C2orf76: variants seen among roughly 807,000 people sequenced by gnomAD.
The protein encoded by C2orf76 is UPF0538 protein C2orf76.
In C2orf76, 23 loss-of-function variants were observed where a neutral mutation model predicts 16.9. The ratio of observed to expected loss-of-function variants is 1.36; its 90% confidence interval spans 0.98 to 1.93. The LOEUF (loss-of-function observed/expected upper bound fraction) is 1.93, where lower values mean the gene tolerates loss of function less well. Ranked by LOEUF, C2orf76 falls within the 30% of genes most tolerant of loss-of-function variation. The pLI, the probability that C2orf76 is intolerant of heterozygous loss-of-function variation, is 0.00. For missense variants in C2orf76, 152 were observed against 152.6 expected (o/e 1.00, Z 0.02); for synonymous variants, 48 against 52.3 (o/e 0.92, Z 0.35).
At chr2:119,350,334 T>C (rs1680358685) in intron 1 of C2orf76, among the ~76,000 whole-genome samples, 1 of 152,150 alleles carries the variant, frequency 6.6e-6, no homozygotes, top group Non-Finnish European at 1.5e-5. Context: ...AGGATACGTG[T>C]ATATTTCAAC....
chr2:119,327,283 A>G (rs1679536389), intron 2 of C2orf76, among the ~76,000 whole-genome samples: 1 of 151,416 alleles, frequency 6.6e-6, no homozygotes, highest in Non-Finnish European at 1.5e-5. Flanking sequence ...GTCTTCAATT[A>G]AAATAATCTT....
At chr2:119,356,440 G>A (rs1453762285) in intron 1 of C2orf76, among the ~76,000 whole-genome samples, 1 of 149,522 alleles carries the variant, frequency 6.7e-6, no homozygotes, top group African/African-American at 2.5e-5. Flanking sequence ...TGAACTGAAT[G>A]AAAGTGGGAC....
At chr2:119,350,886 C>T (rs1010077938) in intron 1 of C2orf76, among the ~76,000 whole-genome samples, 8 of 152,178 alleles carry the variant, frequency 5.3e-5, no homozygotes, top group African/African-American at 1.9e-4. Context: ...AAACTAGGCA[C>T]CACACATAAA....
intron 1 of C2orf76, among the ~76,000 whole-genome samples, chr2:119,353,887 A>T (rs1006446164): frequency 1.1e-4 from 17 of 152,246 alleles, no homozygotes; most frequent in African/African-American, 3.9e-4. Context: ...TTTAGGACAG[A>T]CTGGAGAAAG....
chr2:119,337,760 T>G (rs558658591), intron 2 of C2orf76, among the ~76,000 whole-genome samples: 2 of 152,298 alleles, frequency 1.3e-5, no homozygotes, highest in South Asian at 4.1e-4. Context: ...AAGCAGTGGC[T>G]GTTATTCCCA....
intron 5 of C2orf76, among the ~76,000 whole-genome samples, chr2:119,309,285 G>A (rs534262059): frequency 1.6e-4 from 24 of 151,184 alleles, no homozygotes; most frequent in African/African-American, 5.1e-4. Context: ...ATAAGGTGGA[G>A]CTATTTTTTA....
intron 1 of C2orf76, among the ~76,000 whole-genome samples, chr2:119,358,014 G>C (rs1291355471): frequency 1.3e-5 from 2 of 152,060 alleles, no homozygotes; most frequent in East Asian, 3.8e-4. Context: ...TCAAAAACAA[G>C]TATTTAGGTG....
intron 2 of C2orf76, among the ~76,000 whole-genome samples, chr2:119,331,010 G>A (rs980236826): frequency 2.6e-5 from 4 of 151,866 alleles, no homozygotes; most frequent in African/African-American, 7.3e-5. Context: ...ATATTTCTGG[G>A]TTGGTTTCAA....
At chr2:119,333,121 A>T (rs981122320) in intron 2 of C2orf76, among the ~76,000 whole-genome samples, 1 of 152,224 alleles carries the variant, frequency 6.6e-6, no homozygotes, top group Non-Finnish European at 1.5e-5. Context: ...ACAACAAAGC[A>T]TTGCCTTAAC....
chr2:119,312,116 C>T (rs761564702), intron 4 of C2orf76, among the ~76,000 whole-genome samples: 10 of 152,226 alleles, frequency 6.6e-5, no homozygotes, highest in Non-Finnish European at 1.2e-4. Flanking sequence ...AGGGTGAGCA[C>T]TCTCTCTTAG....
At chr2:119,319,131 C>T (rs1679267064) in intron 3 of C2orf76, among the ~76,000 whole-genome samples, 1 of 152,074 alleles carries the variant, frequency 6.6e-6, no homozygotes, top group Non-Finnish European at 1.5e-5. Context: ...ACCTGCAAAA[C>T]TATAGTCTGA....
At chr2:119,312,599 C>T (rs1200588662) in intron 4 of C2orf76, among the ~76,000 whole-genome samples, 2 of 152,072 alleles carry the variant, frequency 1.3e-5, no homozygotes, top group Admixed American at 1.3e-4. Context: ...AAACCTTGCC[C>T]AAGCTAAAAA....
At chr2:119,351,468 C>A (rs865989676) in intron 1 of C2orf76, among the ~76,000 whole-genome samples, 21 of 152,178 alleles carry the variant, frequency 1.4e-4, no homozygotes, top group Middle Eastern at 3.4e-3. Flanking sequence ...GAAGGCAGAG[C>A]GACTGGGCAC....
intron 2 of C2orf76, among the ~76,000 whole-genome samples, chr2:119,335,644 T>C (rs1362157796): frequency 6.6e-6 from 1 of 152,214 alleles, no homozygotes; most frequent in Non-Finnish European, 1.5e-5. Flanking sequence ...GAATTCCTTC[T>C]GAAAAGTACC....
At chr2:119,349,738 C>G (rs544153179) in intron 1 of C2orf76, among the ~76,000 whole-genome samples, 9 of 152,114 alleles carry the variant, frequency 5.9e-5, no homozygotes, top group Non-Finnish European at 1.2e-4. Context: ...GAGCTGGGCT[C>G]CTCCTCTCCC....
rs531025752 is a variant in C2orf76 at position 119,356,874 on chromosome 2, A to G, written c.-13+9916T>C. On this transcript the variant is annotated intron_variant, in intron 1 of 5. Coordinates refer to ENST00000334816, the MANE Select transcript of C2orf76 (RefSeq NM_001322331.2). ...TAAGGGAATACTATGAACTAATTACATACATACATTTCACAGCACAGACAA... is the reference window on the plus strand; with the variant it reads ...TAAGGGAATACTATGAACTAATTACGTACATACATTTCACAGCACAGACAA... 7.8e-4 allele frequency among the ~76,000 whole-genome samples: 119 copies of G among 152,310 alleles called. 1 individual carries two copies. The highest frequency in any genetic ancestry group is 1.4e-3 in the Non-Finnish European group (93 of 68,018).
chr2:119,308,522 TC>T (rs1415836639), intron 5 of C2orf76, among the ~76,000 whole-genome samples: 2 of 152,124 alleles, frequency 1.3e-5, no homozygotes, highest in Non-Finnish European at 2.9e-5. Flanking sequence ...ACACCCATAA[TC>T]CCAGCTACTC....
chr2:119,312,194 C>T (rs1464138532), intron 4 of C2orf76, among the ~76,000 whole-genome samples: 1 of 152,194 alleles, frequency 6.6e-6, no homozygotes, highest in Non-Finnish European at 1.5e-5. Context: ...AGCGACAGAG[C>T]TGAGCTTCCA....
At chr2:119,299,658 AT>A (rs1299540282), downstream of C2orf76, among the ~76,000 whole-genome samples, 2 of 151,282 alleles carry the variant, frequency 1.3e-5, no homozygotes, top group African/African-American at 2.4e-5. Context: ...TTTATTTTTG[AT>A]TTTTTTTCTG....
Sources: allele counts gnomAD v4.1 joint callset (sites outside exome capture counted in the v4.1 genomes callset), GRCh38; gene constraint gnomAD v4.1.1; transcripts MANE v1.5; gene names NCBI Gene and HGNC (gene_info 2026-07-23, HGNC 2026-07-21).